Variants in CSMD1 observed in about 807,000 individuals in gnomAD.
The protein encoded by CSMD1 is CUB and Sushi multiple domains 1, also known as CUB and sushi domain-containing protein 1.
A neutral mutation model predicts 417.5 loss-of-function variants in CSMD1; 213 were observed. The ratio of observed to expected loss-of-function variants is 0.51; its 90% CI spans 0.46 to 0.57. CSMD1 has a LOEUF of 0.57. Among genes scored for constraint, CSMD1 ranks in the 20% least tolerant of loss-of-function variants. CSMD1 has a pLI of 0.00. For synonymous variants in CSMD1, 2,862 were observed against 1,736.8 expected (o/e 1.65, Z -16.11); for missense variants, 6,923 against 4,529.7 (o/e 1.53, Z -15.17).
At chr8:4,037,788 C>G (rs1295213437) in intron 3 of CSMD1, among the ~76,000 whole-genome samples, 2 of 152,020 alleles carry the variant, frequency 1.3e-5, no homozygotes, top group Non-Finnish European at 1.5e-5. Context: ...GGGCCTTGAA[C>G]CATTCCAGGT....
chr8:4,221,379 A>C (rs1164180308), intron 3 of CSMD1, among the ~76,000 whole-genome samples: 1 of 33,192 alleles, frequency 3.0e-5, no homozygotes, highest in Non-Finnish European at 4.6e-5. Flanking sequence ...GGAAAGTGAG[A>C]AAAAAAAAAA....
At chr8:3,747,829 G>A (rs1001240028) in intron 6 of CSMD1, among the ~76,000 whole-genome samples, 2 of 152,110 alleles carry the variant, frequency 1.3e-5, no homozygotes, top group African/African-American at 2.4e-5. Flanking sequence ...TTAAAATGTG[G>A]AATTTCAAGC....
chr8:4,788,370 A>G, intron 1 of CSMD1: 1 of 1,449,068 alleles, frequency 6.9e-7, no homozygotes, highest in South Asian at 1.2e-5. Flanking sequence ...TCCTCCCCTC[A>G]CACCAGACTG....
intron 4 of CSMD1, among the ~76,000 whole-genome samples, chr8:3,998,742 T>C (rs1039275969): frequency 6.6e-6 from 1 of 151,946 alleles, no homozygotes; most frequent in African/African-American, 2.4e-5. Flanking sequence ...AAATAGAAAC[T>C]AACAATTAAA....
intron 3 of CSMD1, among the ~76,000 whole-genome samples, chr8:4,119,942 A>G (rs1043730105): frequency 2.1e-5 from 1 of 47,398 alleles, no homozygotes; most frequent in African/African-American, 7.6e-5. Context: ...GGGGATGGTT[A>G]ATAGGTATCA....
At position 4,934,006 on chromosome 8, in the gene CSMD1, T is replaced by A. The variant is rs866366996; in HGVS notation, c.85+60326A>T. Among the ~76,000 whole-genome samples, 228 of 100,054 alleles carry A rather than the reference T, an allele frequency of 2.3e-3. 1 individual carries two copies. Among genetic ancestry groups the A allele is most frequent in the East Asian group, 3.7e-3 (18 of 4,896 alleles). The allele number at this position is 100,054 out of a possible 152,430, so 65.6% of individuals were successfully genotyped here. A position where few individuals can be genotyped will look rare whatever the true frequency, so the allele number is the denominator to read the frequency against. ...AGTTACTTACGTTTATGCTTTTTTTTTAAAAAAAAATGAAGGTTTTGATGA... is the reference window on the plus strand; with the variant it reads ...AGTTACTTACGTTTATGCTTTTTTTATAAAAAAAAATGAAGGTTTTGATGA... On this transcript the variant is annotated intron_variant, in intron 1 of 69. Coordinates refer to ENST00000635120, the MANE Select transcript of CSMD1 (RefSeq NM_033225.6).
intron 26 of CSMD1, among the ~76,000 whole-genome samples, chr8:3,268,250 CTT>C (rs75976152): frequency 0.29 from 42,288 of 147,592 alleles, 6,325 homozygotes; most frequent in Non-Finnish European, 0.33. Context: ...GCCAGGGCGA[CTT>C]TCTCCCATCA....
chr8:4,745,671 A>T (rs1285208685), intron 1 of CSMD1, among the ~76,000 whole-genome samples: 3 of 152,326 alleles, frequency 2.0e-5, no homozygotes, highest in South Asian at 4.1e-4. Flanking sequence ...GAAAACACAG[A>T]TTTTAAGCTT....
intron 3 of CSMD1, among the ~76,000 whole-genome samples, chr8:4,112,319 C>T (rs1004012192): frequency 6.6e-6 from 1 of 152,170 alleles, no homozygotes; most frequent in Non-Finnish European, 1.5e-5. Context: ...CAGACTCCAC[C>T]CTGGCAACGG....
chr8:4,401,127 C>T (rs1018221367), intron 3 of CSMD1, among the ~76,000 whole-genome samples: 3 of 152,082 alleles, frequency 2.0e-5, no homozygotes, highest in Non-Finnish European at 4.4e-5. Flanking sequence ...CCACATAAAG[C>T]TTCTGTTTGA....
intron 2 of CSMD1, among the ~76,000 whole-genome samples, chr8:4,632,624 T>C (rs1394702168): frequency 6.6e-6 from 1 of 152,128 alleles, no homozygotes. Flanking sequence ...CATCTGAATG[T>C]ACAAAGATAT....
chr8:3,525,787 A>G (rs991324714), intron 10 of CSMD1, among the ~76,000 whole-genome samples: 2 of 152,208 alleles, frequency 1.3e-5, no homozygotes, highest in East Asian at 1.9e-4. Flanking sequence ...AATTTCTAAT[A>G]GAAACTTGGT....
At chr8:3,287,379 A>C (rs1333421917) in intron 25 of CSMD1, among the ~76,000 whole-genome samples, 1 of 152,262 alleles carries the variant, frequency 6.6e-6, no homozygotes, top group Middle Eastern at 3.4e-3. Context: ...TTGAATCTAT[A>C]AATTACCTTG....
chr8:2,949,477 T>G (rs541490978), intron 67 of CSMD1, 91 bp from the exon 68 acceptor site: 2 of 604,078 alleles, frequency 3.3e-6, no homozygotes, highest in African/African-American at 3.8e-5. Flanking sequence ...ATACAACTGT[T>G]ATATCTCATA....
At chr8:4,255,930 T>G (rs1025207631) in intron 3 of CSMD1, among the ~76,000 whole-genome samples, 5 of 152,272 alleles carry the variant, frequency 3.3e-5, no homozygotes, top group South Asian at 2.1e-4. Context: ...TGTTCTTGAC[T>G]TTCTCCCCAC....
chr8:3,852,900 T>C (rs781567903), intron 5 of CSMD1, among the ~76,000 whole-genome samples: 2 of 152,126 alleles, frequency 1.3e-5, no homozygotes, highest in African/African-American at 2.4e-5. Context: ...TTTCTCTCAT[T>C]TTAAAATATT....
rs1228209660 is a variant in CSMD1 at position 3,930,970 on chromosome 8, G to A, written c.818+66933C>T. 2.0e-5 allele frequency among the ~76,000 whole-genome samples: 3 copies of A among 150,454 alleles called. 1 individual carries two copies. The highest frequency in any genetic ancestry group is 4.4e-5 in the Non-Finnish European group (3 of 67,560). Reference sequence around the variant, plus strand: ...AAACCTAAAATACATCAGCAAAAACGCCCTGTGGAATATCATCTTATTTAA... The same window carrying A: ...AAACCTAAAATACATCAGCAAAAACACCCTGTGGAATATCATCTTATTTAA... On this transcript the variant is annotated intron_variant, in intron 5 of 69. Coordinates refer to ENST00000635120, the MANE Select transcript of CSMD1 (RefSeq NM_033225.6).
chr8:3,000,769 C>G (rs969149156), intron 52 of CSMD1, among the ~76,000 whole-genome samples: 2 of 152,140 alleles, frequency 1.3e-5, no homozygotes, highest in Non-Finnish European at 2.9e-5. Flanking sequence ...GCACAGCTGA[C>G]AGCTGAAACT....
At chr8:4,423,996 G>A (rs1214466200) in intron 2 of CSMD1, among the ~76,000 whole-genome samples, 2 of 151,904 alleles carry the variant, frequency 1.3e-5, no homozygotes, top group Non-Finnish European at 2.9e-5. Context: ...TGGATCAATT[G>A]GATGTCCATA....
Sources: gnomAD v4.1 joint callset for allele counts (sites outside exome capture counted in the v4.1 genomes callset) on GRCh38, gnomAD v4.1.1 for gene constraint, MANE v1.5 for transcripts, NCBI Gene and HGNC (gene_info 2026-07-23, HGNC 2026-07-21) for gene names.